Variants in NOD2 observed in about 807,000 individuals in gnomAD.
The protein encoded by NOD2 is nucleotide-binding oligomerization domain-containing protein 2.
NOD2 carries 86 observed loss-of-function variants against 90.9 expected under a neutral mutation model. The observed-to-expected ratio is 0.95, with a 90% CI of 0.79 to 1.13. The LOEUF is 1.13. Among genes scored for constraint, NOD2 ranks in the 50% most tolerant of loss-of-function variants. NOD2 has a pLI of 0.00. For synonymous variants in NOD2, 581 were observed against 554.6 expected, an observed-to-expected ratio of 1.05 and a Z score of -0.67; for missense variants, 1,238 against 1,283.8, an observed-to-expected ratio of 0.96 and a Z score of 0.55.
At chr16:50,694,746 CATTCATG>C (rs1386639593) in intron 1 of NOD2, among the ~76,000 whole-genome samples, 2 of 152,214 alleles carry the variant, frequency 1.3e-5, no homozygotes, top group African/African-American at 4.8e-5. Flanking sequence ...CAGCAGTCAT[CATTCATG>C]CACTGGATGA....
chr16:50,719,950 G>T lies in NOD2; in HGVS notation c.2575G>T (p.Ala859Ser), dbSNP rs376366287. The change falls in exon 7 of 12, where the codon GCG (alanine) becomes TCG (serine). Residue 859 changes from alanine (A) to serine (S), a missense_variant. Ala to Ser is a moderately conservative substitution (Grantham distance 99). Around this residue, in one of 3 missense-constraint regions of NOD2, gnomAD observed 667 missense variants for 688.7 expected, o/e 0.97. Transcript: ENST00000647318. ...LRLGNNYITA[A>S]GAQVLAEGLR... ...GCTGGGGAATAACTACATCACTGCCGCGGGAGCCCAAGTGCTGGCCGAGGG... is the reference window on the plus strand; with the variant it reads ...GCTGGGGAATAACTACATCACTGCCTCGGGAGCCCAAGTGCTGGCCGAGGG... 6.2e-7 allele frequency: 1 copy of T among 1,614,148 alleles called. No homozygotes were observed. The highest frequency in any genetic ancestry group is 1.3e-5 in the African/African-American group (1 of 75,042).
chr16:50,707,563 C>A (rs1196378498), intron 2 of NOD2, among the ~76,000 whole-genome samples: 1 of 152,192 alleles, frequency 6.6e-6, no homozygotes, highest in Non-Finnish European at 1.5e-5. Flanking sequence ...TTACAGCCTG[C>A]AGAATCATTT....
intron 4 of NOD2, among the ~76,000 whole-genome samples, chr16:50,716,117 G>A (rs1282050622): frequency 6.6e-6 from 1 of 152,154 alleles, no homozygotes; most frequent in African/African-American, 2.4e-5. Flanking sequence ...CTATATGCCT[G>A]TTTCTGAAGT....
At chr16:50,694,696 C>T (rs1207711622) in intron 1 of NOD2, among the ~76,000 whole-genome samples, 2 of 152,176 alleles carry the variant, frequency 1.3e-5, no homozygotes, top group African/African-American at 4.8e-5. Context: ...ATGTCTGTCT[C>T]CCGGAGCCAT....
chr16:50,724,370 T>C (rs1440001218), intron 9 of NOD2, among the ~76,000 whole-genome samples: 1 of 152,236 alleles, frequency 6.6e-6, no homozygotes, highest in Non-Finnish European at 1.5e-5. Context: ...TTATGATTAC[T>C]GTTAAAAGAA....
intron 6 of NOD2, among the ~76,000 whole-genome samples, chr16:50,718,609 GC>G (rs1160880044): frequency 3.3e-5 from 5 of 152,214 alleles, no homozygotes; most frequent in Admixed American, 2.6e-4. Context: ...GAGCCAGACT[GC>G]CCGAGGTTTG....
At chr16:50,718,325 C>G (rs999826657) in intron 6 of NOD2, among the ~76,000 whole-genome samples, 13 of 152,220 alleles carry the variant, frequency 8.5e-5, no homozygotes, top group Non-Finnish European at 1.5e-4. Flanking sequence ...ATGTCAGGAG[C>G]AGACGATCTT....
intron 2 of NOD2, among the ~76,000 whole-genome samples, chr16:50,707,374 T>A (rs1964244363): frequency 6.6e-6 from 1 of 152,172 alleles, no homozygotes; most frequent in African/African-American, 2.4e-5. Flanking sequence ...TAGTTTTGAA[T>A]ATGTTGGAGG....
intron 3 of NOD2, 46 bp downstream of exon 3, chr16:50,708,006 G>A: frequency 2.3e-6 from 3 of 1,309,576 alleles, no homozygotes; most frequent in Non-Finnish European, 3.3e-6. Context: ...GGCAGTCAGT[G>A]CAGATCCATG....
chr16:50,731,790 G>A lies in NOD2; in HGVS notation c.3013G>A (p.Gly1005Ser), dbSNP rs147874812. Residue 1005 changes from glycine to serine, a missense_variant, in exon 12 of 12, where the codon GGC becomes AGC. Coordinates refer to ENST00000647318, the MANE Select transcript of NOD2 (RefSeq NM_001370466.1). The stretch of plus-strand genomic sequence containing the variant: ...CTCTCTAGAGGAGGTTGACAAGCTC[G>A]GCTGCAGGGACACCAGACTCTTGCT... ...TFSLEEVDKL[G>S]CRDTRLLL 9.5e-5 allele frequency: 154 copies of A among 1,613,838 alleles called. No homozygotes were observed. In the African/African-American group the frequency reaches 1.7e-3, roughly 18 times the overall value.
In NOD2 at chr16:50,711,448, A is replaced by G; in HGVS notation, c.1456A>G (p.Met486Val). The G allele has an allele frequency of 1.2e-6, 2 of 1,613,474 alleles. No homozygotes were observed. Among genetic ancestry groups the G allele is most frequent in the South Asian group, 1.1e-5 (1 of 91,086 alleles). ...EGGSPKTTTD[M>V]YLLILQHFLL... ...GGGGTCCCCAAAGACCACTACAGAT[A>G]TGTACCTGCTGATTCTGCAGCATTT... The change falls in exon 4 of 12, where the codon ATG becomes GTG. Residue 486 changes from methionine to valine, a missense_variant. By Grantham distance (21) the Met-to-Val change is conservative. Coordinates refer to ENST00000647318, the MANE Select transcript of NOD2 (RefSeq NM_001370466.1).
rs1417241039 is a variant in NOD2, at chr16:50,732,451, A to C, written c.*632A>C. On this transcript the variant is annotated 3_prime_UTR_variant, in exon 12 of 12. Coordinates refer to ENST00000647318, the MANE Select transcript of NOD2 (RefSeq NM_001370466.1). Reference sequence around the variant, plus strand: ...CCCAGGGTGGGAAGGGCTACACCTTAGCCTGCCCTCCTTTCCGGTGTTTAA... The same window carrying C: ...CCCAGGGTGGGAAGGGCTACACCTTCGCCTGCCCTCCTTTCCGGTGTTTAA... 1.9e-5 allele frequency: 3 copies of C among 156,238 alleles called. No individual in the cohort carries two copies. The highest frequency in any genetic ancestry group is 7.2e-5 in the African/African-American group (3 of 41,442). The allele number at this position is 156,238 out of a possible 1,614,324, so 9.7% of individuals were successfully genotyped here.
intron 1 of NOD2, among the ~76,000 whole-genome samples, chr16:50,693,940 G>C (rs1325376636): frequency 1.3e-5 from 2 of 151,438 alleles, no homozygotes; most frequent in African/African-American, 4.9e-5. Flanking sequence ...CAGTGAGTGG[G>C]TGGGTATAAG....
Position 50,711,156 on chromosome 16 carries a change from G to C in NOD2, c.1164G>C (p.Leu388=). ...TCTTCAACCTTCTGCAGGGCAACCTGCTGAAGAATGCCCGCAAGGTGGTGA... is the reference window on the plus strand; with the variant it reads ...TCTTCAACCTTCTGCAGGGCAACCTCCTGAAGAATGCCCGCAAGGTGGTGA... The part of the protein sequence containing the change: ...TLLFNLLQGN[L]LKNARKVVTS... The change falls in exon 4 of 12, where the codon CTG becomes CTC. Residue 388 remains leucine, a synonymous_variant. Transcript: ENST00000647318. The C allele has an allele frequency of 6.2e-7, 1 of 1,614,138 alleles. No individual in the cohort carries two copies. Among genetic ancestry groups the C allele is most frequent in the African/African-American group, 1.3e-5 (1 of 75,068 alleles).
At chr16:50,707,806 T>C in intron 2 of NOD2, 49 bp from the exon 3 acceptor site, 1 of 1,293,300 alleles carries the variant, frequency 7.7e-7, no homozygotes, top group Non-Finnish European at 1.1e-6. Context: ...CTTCCCACAT[T>C]GCTCCATCAG....
chr16:50,728,262 C>T, intron 10 of NOD2: 1 of 295,154 alleles, frequency 3.4e-6, no homozygotes, highest in Non-Finnish European at 6.7e-6. Context: ...CAGTACACTC[C>T]TCATCTTCAA....
In NOD2 at chr16:50,732,571, T is replaced by C. The variant is rs964626903; in HGVS notation, c.*752T>C. On this transcript the variant is annotated 3_prime_UTR_variant, in exon 12 of 12. Coordinates refer to ENST00000647318, the MANE Select transcript of NOD2 (RefSeq NM_001370466.1). ...TGACCACACTCCAGCTGGGATCACATGTGGACTTTTATTTCCAGTGAAATC... is the reference window on the plus strand; with the variant it reads ...TGACCACACTCCAGCTGGGATCACACGTGGACTTTTATTTCCAGTGAAATC... 2 of 152,522 alleles carry C rather than the reference T, an allele frequency of 1.3e-5. No homozygotes were observed. Among genetic ancestry groups the C allele is most frequent in the Non-Finnish European group, 2.9e-5 (2 of 68,186 alleles). 9.4% of individuals were successfully genotyped at this position (152,522 alleles called of 1,614,324 possible).
intron 2 of NOD2, among the ~76,000 whole-genome samples, chr16:50,701,808 A>G (rs1170607477): frequency 1.3e-5 from 2 of 152,234 alleles, no homozygotes; most frequent in Non-Finnish European, 2.9e-5. Flanking sequence ...GAAATCAGAA[A>G]ATATTCAGAA....
intron 2 of NOD2, among the ~76,000 whole-genome samples, chr16:50,703,699 A>G (rs1007092881): frequency 2.9e-4 from 44 of 152,072 alleles, no homozygotes; most frequent in African/African-American, 1.0e-3. Context: ...AAAAAAAAAA[A>G]AAAAGAAAGG....
Sources: allele counts gnomAD v4.1 joint callset (sites outside exome capture counted in the v4.1 genomes callset), GRCh38; gene constraint gnomAD v4.1.1; regional missense constraint gnomAD v4.1.1; transcripts MANE v1.5; gene names NCBI Gene and HGNC (gene_info 2026-07-23, HGNC 2026-07-21).